The following FGGY variants were observed in gnomAD, a reference collection of about 807,000 sequenced individuals.
The protein encoded by FGGY is FGGY carbohydrate kinase domain containing, also known as FGGY carbohydrate kinase domain-containing protein.
A neutral mutation model predicts 71.3 loss-of-function variants in FGGY; 72 were observed. The ratio of observed to expected loss-of-function variants is 1.01; its 90% CI spans 0.84 to 1.23. The LOEUF is 1.23. Among genes scored for constraint, FGGY ranks in the 50% most tolerant of loss-of-function variants. The probability of loss-of-function intolerance (pLI) is 0.00; values close to 1 mark genes in which losing one functional copy is unlikely to be tolerated. For synonymous variants in FGGY, 251 were observed against 250.3 expected, an observed-to-expected ratio of 1.00 and a Z score of -0.02; for missense variants, 668 against 682.3, an observed-to-expected ratio of 0.98 and a Z score of 0.23.
chr1:59,461,096 A>G (rs1025162910), intron 6 of FGGY, among the ~76,000 whole-genome samples: 1 of 152,244 alleles, frequency 6.6e-6, no homozygotes, highest in Non-Finnish European at 1.5e-5. Flanking sequence ...AGTAGGCTTC[A>G]GAAGGTCGGT....
intron 4 of FGGY, among the ~76,000 whole-genome samples, chr1:59,377,616 A>G (rs1557727864): frequency 2.6e-5 from 4 of 152,198 alleles, no homozygotes; most frequent in African/African-American, 9.7e-5. Context: ...AACCATATCA[A>G]CATTACACAA....
At chr1:59,676,002 C>T (rs1284340375) in intron 14 of FGGY, among the ~76,000 whole-genome samples, 1 of 152,128 alleles carries the variant, frequency 6.6e-6, no homozygotes. Context: ...GAGGACACAG[C>T]AAGAAGTCCA....
Position 59,535,271 on chromosome 1 carries a change from A to G in FGGY, c.800-18853A>G, listed in dbSNP as rs998764420. ...TAATGGTAAAGGGATCAATTCAACA[A>G]GAAGAGCTAACTATCCTAAATATAT... On this transcript the variant is annotated intron_variant, in intron 7 of 15. Coordinates refer to ENST00000303721, the MANE Select transcript of FGGY (RefSeq NM_018291.5). Among the ~76,000 whole-genome samples the G allele has an allele frequency of 4.3e-4, 65 of 152,282 alleles. 1 individual carries two copies. The East Asian group carries it at 9.9e-3, about 23-fold the overall frequency.
chr1:59,422,523 A>T (rs1288989176), intron 5 of FGGY, among the ~76,000 whole-genome samples: 1 of 151,552 alleles, frequency 6.6e-6, no homozygotes, highest in Admixed American at 6.6e-5. Context: ...GGAAAAACCG[A>T]TCTGTACTAA....
chr1:59,393,828 G>T (rs1215476223), intron 5 of FGGY, among the ~76,000 whole-genome samples: 1 of 152,080 alleles, frequency 6.6e-6, no homozygotes, highest in African/African-American at 2.4e-5. Flanking sequence ...TAAAACTTAA[G>T]GTTTGGTTTC....
chr1:59,542,792 TG>T (rs1332005781), intron 7 of FGGY, among the ~76,000 whole-genome samples: 1 of 152,246 alleles, frequency 6.6e-6, no homozygotes, highest in East Asian at 1.9e-4. Context: ...CTTTTAGAGA[TG>T]GGATGTCAGA....
intron 4 of FGGY, among the ~76,000 whole-genome samples, chr1:59,365,312 C>T (rs1050194644): frequency 3.3e-5 from 5 of 152,122 alleles, no homozygotes; most frequent in African/African-American, 7.2e-5. Context: ...ATGAGAAGGG[C>T]GTGAGAAGGT....
chr1:59,539,465 G>A (rs912489537), intron 7 of FGGY, among the ~76,000 whole-genome samples: 17 of 152,218 alleles, frequency 1.1e-4, no homozygotes, highest in African/African-American at 4.1e-4. Context: ...TGTATGGACA[G>A]TTAATTTGTG....
intron 2 of FGGY, among the ~76,000 whole-genome samples, chr1:59,328,025 C>G (rs1025519966): frequency 2.0e-5 from 3 of 152,136 alleles, no homozygotes; most frequent in Non-Finnish European, 4.4e-5. Context: ...TAGCATAATT[C>G]TTAAGGGCCC....
chr1:59,513,990 G>T (rs1356930144), intron 7 of FGGY, among the ~76,000 whole-genome samples: 1 of 152,226 alleles, frequency 6.6e-6, no homozygotes, highest in Non-Finnish European at 1.5e-5. Flanking sequence ...ATGTAGGTTG[G>T]TTGAATGCTA....
chr1:59,511,378 G>C (rs2094513772), intron 6 of FGGY, among the ~76,000 whole-genome samples: 1 of 152,158 alleles, frequency 6.6e-6, no homozygotes, highest in Non-Finnish European at 1.5e-5. Context: ...GGGGCTCAAA[G>C]GGGTCTTAAT....
intron 8 of FGGY, among the ~76,000 whole-genome samples, chr1:59,571,547 C>A (rs1464231484): frequency 6.6e-6 from 1 of 152,230 alleles, no homozygotes; most frequent in East Asian, 1.9e-4. Context: ...ATCAATTTGA[C>A]TGTGCACATG....
chr1:59,427,188 T>C (rs1034031076), intron 5 of FGGY, among the ~76,000 whole-genome samples: 17 of 152,180 alleles, frequency 1.1e-4, no homozygotes, highest in South Asian at 2.1e-4. Context: ...CAAAGACAGC[T>C]GGGAACTCAG....
intron 9 of FGGY, among the ~76,000 whole-genome samples, chr1:59,612,459 C>T (rs527708094): frequency 3.0e-4 from 45 of 152,238 alleles, no homozygotes; most frequent in African/African-American, 1.1e-3. Flanking sequence ...GAGATTTTGT[C>T]ACCACCAGGC....
chr1:59,509,849 G>A (rs1425747199), intron 6 of FGGY, among the ~76,000 whole-genome samples: 1 of 152,142 alleles, frequency 6.6e-6, no homozygotes, highest in African/African-American at 2.4e-5. Flanking sequence ...AGAAAACTTG[G>A]AAGAGTGCCC....
intron 7 of FGGY, among the ~76,000 whole-genome samples, chr1:59,518,968 T>C (rs111568900): frequency 3.3e-5 from 5 of 152,358 alleles, no homozygotes; most frequent in African/African-American, 1.2e-4. Flanking sequence ...ATGTGTTCCC[T>C]CATTTTGCAC....
chr1:59,681,313 G>A (rs546726659), intron 14 of FGGY, among the ~76,000 whole-genome samples: 32 of 152,204 alleles, frequency 2.1e-4, no homozygotes, highest in African/African-American at 6.5e-4. Flanking sequence ...CTAACAAAAC[G>A]CATTTTCCCA....
chr1:59,373,868 T>C (rs1328829637), intron 4 of FGGY, among the ~76,000 whole-genome samples: 3 of 152,242 alleles, frequency 2.0e-5, no homozygotes, highest in Non-Finnish European at 4.4e-5. Context: ...AAGCTGAAAC[T>C]GGATCCCTTC....
intron 6 of FGGY, among the ~76,000 whole-genome samples, chr1:59,467,562 A>G (rs1009683634): frequency 2.0e-5 from 3 of 151,778 alleles, no homozygotes; most frequent in African/African-American, 7.2e-5. Flanking sequence ...CTTTGATCTT[A>G]CATTTCCCTG....
Sources: allele counts gnomAD v4.1 joint callset (sites outside exome capture counted in the v4.1 genomes callset), GRCh38; gene constraint gnomAD v4.1.1; transcripts MANE v1.5; gene names NCBI Gene and HGNC (gene_info 2026-07-23, HGNC 2026-07-21).